STK32B: variants seen among roughly 807,000 people sequenced by gnomAD.
The protein encoded by STK32B is serine/threonine-protein kinase 32B.
Under a neutral mutation model 52.6 loss-of-function variants are expected in STK32B, and 43 were observed. The observed-to-expected ratio is 0.82, with a 90% CI of 0.64 to 1.05. The LOEUF is 1.05. Ranked by LOEUF, STK32B falls within the 50% of genes least tolerant of loss-of-function variation. STK32B has a pLI of 0.00. For missense variants in STK32B, 621 were observed against 534.6 expected (o/e 1.16, Z -1.59); for synonymous variants, 238 against 204.3 (o/e 1.17, Z -1.41).
chr4:5,454,440 G>T (rs1716313711), intron 7 of STK32B, among the ~76,000 whole-genome samples: 1 of 152,022 alleles, frequency 6.6e-6, no homozygotes, highest in South Asian at 2.1e-4. Context: ...TTTCCTCTAT[G>T]TGTCTTTCTG....
At chr4:5,360,038 G>A (rs1373533763) in intron 4 of STK32B, among the ~76,000 whole-genome samples, 1 of 152,188 alleles carries the variant, frequency 6.6e-6, no homozygotes, top group African/African-American at 2.4e-5. Flanking sequence ...ACAGGCAGGA[G>A]GAGAGTGAAG....
intron 3 of STK32B, among the ~76,000 whole-genome samples, chr4:5,202,594 C>T (rs1577186940): frequency 6.6e-6 from 1 of 152,252 alleles, no homozygotes; most frequent in East Asian, 1.9e-4. Context: ...TCCACCACTG[C>T]AGCAGACTTC....
intron 1 of STK32B, among the ~76,000 whole-genome samples, chr4:5,103,515 A>G (rs988976309): frequency 2.0e-5 from 3 of 152,154 alleles, no homozygotes; most frequent in African/African-American, 7.2e-5. Flanking sequence ...ATCACCTGTG[A>G]TTATGGCATA....
chr4:5,080,712 C>G (rs911045971), intron 1 of STK32B, among the ~76,000 whole-genome samples: 2 of 152,074 alleles, frequency 1.3e-5, no homozygotes, highest in Non-Finnish European at 2.9e-5. Context: ...TTTCAATATA[C>G]ATACACATTG....
At chr4:5,448,414 G>C (rs1715668722) in intron 7 of STK32B, among the ~76,000 whole-genome samples, 1 of 152,192 alleles carries the variant, frequency 6.6e-6, no homozygotes, top group African/African-American at 2.4e-5. Context: ...GTAGGAACCA[G>C]AACACACCGG....
chr4:5,212,200 A>T (rs1272291102), intron 3 of STK32B, among the ~76,000 whole-genome samples: 1 of 152,216 alleles, frequency 6.6e-6, no homozygotes, highest in African/African-American at 2.4e-5. Context: ...ACAATTAGTA[A>T]GCAAGTAGAT....
chr4:5,411,392 C>G (rs1421251464), intron 5 of STK32B, among the ~76,000 whole-genome samples: 2 of 151,952 alleles, frequency 1.3e-5, no homozygotes, highest in African/African-American at 4.8e-5. Flanking sequence ...GTTCAACCAG[C>G]CGTGGATAAA....
At chr4:5,357,112 T>C (rs1017847020) in intron 4 of STK32B, among the ~76,000 whole-genome samples, 33 of 149,064 alleles carry the variant, frequency 2.2e-4, no homozygotes, top group African/African-American at 6.2e-4. Context: ...CACACACACA[T>C]ATATATACAC....
chr4:5,041,306 C>T, the STK32B span, among the ~76,000 whole-genome samples: 2 of 151,878 alleles, frequency 1.3e-5, no homozygotes, highest in African/African-American at 4.8e-5. Context: ...GTGTTCATGA[C>T]GACTCCCTTA....
upstream of STK32B, among the ~76,000 whole-genome samples, chr4:5,048,296 AT>A (rs934389483): frequency 3.9e-3 from 432 of 111,860 alleles, 3 homozygotes; most frequent in African/African-American, 4.3e-3. Context: ...TGCCTGGCTA[AT>A]TTTTTTTTTT....
chr4:5,090,370 C>CTTT (rs754643704), intron 1 of STK32B, among the ~76,000 whole-genome samples: 1,535 of 56,514 alleles, frequency 0.027, 160 homozygotes, highest in African/African-American at 0.079. Context: ...TTTAATCCAT[C>CTTT]TTTTTTTTTT....
chr4:5,126,835 A>G (rs1337875725), intron 1 of STK32B, among the ~76,000 whole-genome samples: 1 of 152,170 alleles, frequency 6.6e-6, no homozygotes, highest in Non-Finnish European at 1.5e-5. Context: ...CTGATAACCC[A>G]GTTATCAATT....
At chr4:5,264,976 T>C (rs1406383958) in intron 3 of STK32B, among the ~76,000 whole-genome samples, 3 of 152,198 alleles carry the variant, frequency 2.0e-5, no homozygotes, top group Non-Finnish European at 4.4e-5. Flanking sequence ...TTCTTTATGT[T>C]CATTGCTTCC....
intron 1 of STK32B, among the ~76,000 whole-genome samples, chr4:5,131,891 G>A (rs956178429): frequency 6.6e-6 from 1 of 152,198 alleles, no homozygotes; most frequent in Admixed American, 6.5e-5. Context: ...TGTCTTAAAT[G>A]TTGGAATCTG....
chr4:5,177,076 G>GT (rs1457442836), intron 3 of STK32B, among the ~76,000 whole-genome samples: 1 of 152,154 alleles, frequency 6.6e-6, no homozygotes, highest in Non-Finnish European at 1.5e-5. Context: ...ATTGTTCACC[G>GT]TAAGAGGTTA....
chr4:5,230,346 C>A (rs538582542), intron 3 of STK32B, among the ~76,000 whole-genome samples: 1 of 151,786 alleles, frequency 6.6e-6, no homozygotes, highest in Non-Finnish European at 1.5e-5. Context: ...CCTGCCACCA[C>A]GCTTGGTTAG....
At chr4:5,342,415 C>G (rs534101676) in intron 4 of STK32B, among the ~76,000 whole-genome samples, 4 of 152,168 alleles carry the variant, frequency 2.6e-5, no homozygotes, top group African/African-American at 9.7e-5. Context: ...GTAAATGAAG[C>G]TGGAAACCAT....
chr4:5,183,792 T>G (rs1263929523), intron 3 of STK32B, among the ~76,000 whole-genome samples: 1 of 152,222 alleles, frequency 6.6e-6, no homozygotes, highest in Non-Finnish European at 1.5e-5. Context: ...CATTTTTATG[T>G]CCTGGAAACA....
At chr4:5,149,174 T>C (rs1027901150) in intron 2 of STK32B, among the ~76,000 whole-genome samples, 12 of 151,912 alleles carry the variant, frequency 7.9e-5, no homozygotes, top group Non-Finnish European at 1.8e-4. Flanking sequence ...TACTTATGCT[T>C]ACTGTTTCCA....
Sources: allele counts gnomAD v4.1 joint callset (sites outside exome capture counted in the v4.1 genomes callset), GRCh38; gene constraint gnomAD v4.1.1; transcripts MANE v1.5; gene names NCBI Gene and HGNC (gene_info 2026-07-23, HGNC 2026-07-21).